Variants in PRR16 observed in about 807,000 individuals in gnomAD.
PRR16 encodes protein Largen.
In PRR16, 6 loss-of-function variants were observed where a neutral mutation model predicts 18.2. The observed-to-expected ratio is 0.33, with a 90% confidence interval of 0.18 to 0.65. The LOEUF (loss-of-function observed/expected upper bound fraction) is 0.65. Ranked by LOEUF, PRR16 falls within the 30% of genes least tolerant of loss-of-function variation. The pLI, the probability that PRR16 is intolerant of heterozygous loss-of-function variation, is 0.74. For synonymous variants in PRR16, 151 were observed against 147.8 expected, an observed-to-expected ratio of 1.02 and a Z score of -0.16; for missense variants, 412 against 376.6, an observed-to-expected ratio of 1.09 and a Z score of -0.78.
intron 1 of PRR16, among the ~76,000 whole-genome samples, chr5:120,571,998 A>G (rs190330970): frequency 8.1e-4 from 124 of 152,248 alleles, no homozygotes; most frequent in African/African-American, 2.8e-3. Flanking sequence ...GCTTCCCTGC[A>G]TGGTATCCAA....
the PRR16 span, among the ~76,000 whole-genome samples, chr5:120,775,523 T>A: frequency 1.3e-5 from 2 of 152,172 alleles, no homozygotes; most frequent in East Asian, 3.8e-4. Flanking sequence ...GCATTAATAG[T>A]TTCCTAACCT....
intron 1 of PRR16, among the ~76,000 whole-genome samples, chr5:120,672,475 G>A (rs187809602): frequency 3.3e-4 from 49 of 149,042 alleles, no homozygotes; most frequent in Admixed American, 1.0e-3. Context: ...TAAGTATTTC[G>A]TCTTTATCTT....
intron 1 of PRR16, among the ~76,000 whole-genome samples, chr5:120,487,911 G>T (rs550689596): frequency 3.2e-4 from 49 of 152,160 alleles, no homozygotes; most frequent in African/African-American, 1.1e-3. Flanking sequence ...ATAATCATGC[G>T]GTTTTTGTCT....
the PRR16 span, among the ~76,000 whole-genome samples, chr5:120,783,784 C>G: frequency 6.6e-6 from 1 of 152,080 alleles, no homozygotes; most frequent in Non-Finnish European, 1.5e-5. Context: ...TATAGTCACT[C>G]TACTGTGCTA....
rs188730444 is a variant in PRR16 at position 120,628,598 on chromosome 5, A to G, written c.160-57356A>G. Among the ~76,000 whole-genome samples, 17 of 152,108 alleles carry G rather than the reference A, an allele frequency of 1.1e-4. 1 individual carries two copies. In the East Asian group the frequency reaches 2.9e-3, roughly 26 times the overall value. On this transcript the variant is annotated intron_variant, in intron 1 of 1. Transcript: ENST00000407149. Reference sequence around the variant, plus strand: ...TTTCCCCAGGATAAAGCAGATTTGTATCTTTTATTTTTTGTATGAAATTTT... The same window carrying G: ...TTTCCCCAGGATAAAGCAGATTTGTGTCTTTTATTTTTTGTATGAAATTTT...
chr5:120,548,813 C>G (rs775770918), intron 1 of PRR16, among the ~76,000 whole-genome samples: 1 of 96,692 alleles, frequency 1.0e-5, no homozygotes, highest in Non-Finnish European at 2.3e-5. Flanking sequence ...ATATACACCA[C>G]TGCGTGACTG....
intron 1 of PRR16, among the ~76,000 whole-genome samples, chr5:120,611,476 C>A (rs1754331255): frequency 6.6e-6 from 1 of 152,184 alleles, no homozygotes; most frequent in African/African-American, 2.4e-5. Flanking sequence ...CCCTGGGTCC[C>A]CATGCTGTGT....
At chr5:120,746,873 G>A in the PRR16 span, among the ~76,000 whole-genome samples, 1 of 152,038 alleles carries the variant, frequency 6.6e-6, no homozygotes, top group Non-Finnish European at 1.5e-5. Context: ...TCTCTTCATC[G>A]GGAGTCACAG....
intron 1 of PRR16, among the ~76,000 whole-genome samples, chr5:120,632,299 G>T (rs1242954044): frequency 6.6e-6 from 1 of 151,966 alleles, no homozygotes; most frequent in African/African-American, 2.4e-5. Context: ...AATAATTCTG[G>T]TAATATGGCA....
chr5:120,790,239 TAAATG>T, the PRR16 span: 1 of 152,010 alleles, frequency 6.6e-6, no homozygotes, highest in Non-Finnish European at 1.5e-5. Flanking sequence ...ATAAAATAAA[TAAATG>T]GAAAGGACTA....
chr5:120,667,629 C>T (rs887390125), intron 1 of PRR16, among the ~76,000 whole-genome samples: 46 of 150,998 alleles, frequency 3.0e-4, no homozygotes, highest in Non-Finnish European at 5.0e-4. Flanking sequence ...GCTTTGAATG[C>T]GTCCCAGAGA....
At chr5:120,668,054 T>A (rs1756457859) in intron 1 of PRR16, among the ~76,000 whole-genome samples, 1 of 152,144 alleles carries the variant, frequency 6.6e-6, no homozygotes. Context: ...GACAGTGGGA[T>A]GTTAAAGTCT....
At chr5:120,606,947 ATAT>A (rs1164977748) in intron 1 of PRR16, among the ~76,000 whole-genome samples, 2 of 152,112 alleles carry the variant, frequency 1.3e-5, no homozygotes, top group Non-Finnish European at 2.9e-5. Flanking sequence ...CCCTTACCTA[ATAT>A]TATGTATTAT....
the PRR16 span, among the ~76,000 whole-genome samples, chr5:120,697,609 T>C: frequency 6.6e-6 from 1 of 152,308 alleles, no homozygotes; most frequent in East Asian, 1.9e-4. Context: ...GCTGTTTATT[T>C]CACCTGGGTG....
At chr5:120,474,398 C>A (rs1309106916) in intron 1 of PRR16, among the ~76,000 whole-genome samples, 1 of 152,068 alleles carries the variant, frequency 6.6e-6, no homozygotes, top group Non-Finnish European at 1.5e-5. Flanking sequence ...TAGATGATGC[C>A]ACATGTCCTC....
At chr5:120,477,093 C>T (rs1422060571) in intron 1 of PRR16, among the ~76,000 whole-genome samples, 1 of 152,118 alleles carries the variant, frequency 6.6e-6, no homozygotes, top group African/African-American at 2.4e-5. Context: ...ACTTATTCCT[C>T]CTCTAGGATG....
At chr5:120,489,332 G>C (rs1749936047) in intron 1 of PRR16, among the ~76,000 whole-genome samples, 1 of 152,112 alleles carries the variant, frequency 6.6e-6, no homozygotes. Context: ...GAATCTGGGT[G>C]CTCCTGTATT....
chr5:120,628,636 C>CT (rs1360728107), intron 1 of PRR16, among the ~76,000 whole-genome samples: 1 of 147,380 alleles, frequency 6.8e-6, no homozygotes, highest in Non-Finnish European at 1.5e-5. Flanking sequence ...ACTCATCTCT[C>CT]TATCTTTCTA....
intron 1 of PRR16, among the ~76,000 whole-genome samples, chr5:120,578,864 A>G (rs1340406092): frequency 6.6e-6 from 1 of 152,172 alleles, no homozygotes; most frequent in Non-Finnish European, 1.5e-5. Context: ...ATTCCCACCA[A>G]CAGTGTAAAA....
Sources: gnomAD v4.1 joint callset for allele counts (sites outside exome capture counted in the v4.1 genomes callset) on GRCh38, gnomAD v4.1.1 for gene constraint, MANE v1.5 for transcripts, NCBI Gene and HGNC (gene_info 2026-07-23, HGNC 2026-07-21) for gene names.